The following EIF4G3 variants were observed in gnomAD, a reference collection of about 807,000 sequenced individuals.
The protein encoded by EIF4G3 is eIF-4-gamma 3.
A neutral mutation model predicts 186.4 loss-of-function variants in EIF4G3; 34 were observed. The observed-to-expected ratio is 0.18, with a 90% CI of 0.14 to 0.24. The LOEUF (loss-of-function observed/expected upper bound fraction) is 0.24. Among genes scored for constraint, EIF4G3 ranks in the 10% least tolerant of loss-of-function variants. EIF4G3 has a pLI of 1.00. For missense variants in EIF4G3, 1,536 were observed against 1,948.5 expected (o/e 0.79, Z 3.99); for synonymous variants, 673 against 679.5 (o/e 0.99, Z 0.15).
chr1:20,832,627 T>C (rs2065634776), intron 30 of EIF4G3, among the ~76,000 whole-genome samples: 1 of 150,544 alleles, frequency 6.6e-6, no homozygotes, highest in Admixed American at 6.6e-5. Context: ...AGATCCCATT[T>C]GTCAATTTTG....
At position 20,865,198 on chromosome 1, in the gene EIF4G3, C is replaced by T. The variant is rs376291508; in HGVS notation, c.2687G>A (p.Arg896His). The T allele has an allele frequency of 2.5e-6, 4 of 1,614,030 alleles. No homozygotes were observed. The highest frequency in any genetic ancestry group is 2.5e-6 in the Non-Finnish European group (3 of 1,180,026). ...TVNFRKLLLN[R>H]CQKEFEKDKA... ...ATCTTTTTCAAACTCCTTCTGGCAA[C>T]GGTTCAGTAGCAGCTTCCGGAAATT... Residue 896 changes from arginine to histidine, a missense_variant, in exon 21 of 37, where the codon CGT (arginine) becomes CAT (histidine). Coordinates refer to ENST00000602326, the MANE Select transcript of EIF4G3 (RefSeq NM_001391906.1).
chr1:21,119,710 T>C (rs1330866959), intron 2 of EIF4G3, among the ~76,000 whole-genome samples: 1 of 152,144 alleles, frequency 6.6e-6, no homozygotes, highest in Non-Finnish European at 1.5e-5. Flanking sequence ...TATCACTGAA[T>C]TATTGTTAAA....
At chr1:21,016,607 C>T (rs2089146261) in intron 4 of EIF4G3, among the ~76,000 whole-genome samples, 1 of 152,014 alleles carries the variant, frequency 6.6e-6, no homozygotes, top group Middle Eastern at 3.2e-3. Flanking sequence ...TACAGTGAGC[C>T]ATGATCGCGT....
chr1:20,839,154 T>A (rs959204656), intron 30 of EIF4G3, among the ~76,000 whole-genome samples: 6 of 152,118 alleles, frequency 3.9e-5, no homozygotes, highest in African/African-American at 1.4e-4. Flanking sequence ...ATTTTTTGTA[T>A]TTTTAGTAGA....
intron 11 of EIF4G3, among the ~76,000 whole-genome samples, chr1:20,971,643 C>T (rs935125860): frequency 6.6e-6 from 1 of 152,200 alleles, no homozygotes; most frequent in South Asian, 2.1e-4. Context: ...CTATTATTTT[C>T]TTGTTTGTTT....
At chr1:20,895,974 T>C (rs937395429) in intron 16 of EIF4G3, among the ~76,000 whole-genome samples, 1 of 152,106 alleles carries the variant, frequency 6.6e-6, no homozygotes, top group African/African-American at 2.4e-5. Flanking sequence ...GACAGCTCTA[T>C]GCATATTATT....
Position 21,009,230 on chromosome 1 carries a change from A to C in EIF4G3, c.-66-6422T>G, listed in dbSNP as rs140005640. ...GGGTCTCGCTCTGTCACCTACGCTA[A>C]AGTGCAGTGCTACCAACACAGCTCA... On this transcript the variant is annotated intron_variant, in intron 4 of 36. Transcript: ENST00000602326. Among the ~76,000 whole-genome samples, 86 of 152,208 alleles carry C rather than the reference A, an allele frequency of 5.7e-4. 2 individuals carry two copies. The East Asian group carries it at 0.015, about 27-fold the overall frequency.
intron 36 of EIF4G3, among the ~76,000 whole-genome samples, chr1:20,808,845 T>C (rs371701233): frequency 6.6e-6 from 1 of 152,210 alleles, no homozygotes; most frequent in East Asian, 1.9e-4. Context: ...CTGAGAATTA[T>C]AGTTATCATA....
At chr1:21,157,376 G>T (rs531675245) in intron 2 of EIF4G3, among the ~76,000 whole-genome samples, 163 of 149,822 alleles carry the variant, frequency 1.1e-3, no homozygotes, top group African/African-American at 3.9e-3. Flanking sequence ...TTTTTTGTTT[G>T]TTTTTTTTTA....
intron 4 of EIF4G3, among the ~76,000 whole-genome samples, chr1:21,029,473 G>A (rs943497133): frequency 5.9e-5 from 9 of 152,058 alleles, no homozygotes; most frequent in African/African-American, 9.6e-5. Flanking sequence ...GTCGGGGGGG[G>A]GAAGGGAACT....
intron 20 of EIF4G3, among the ~76,000 whole-genome samples, chr1:20,872,824 TTCTCCTGCCTC>T: frequency 6.9e-6 from 1 of 144,354 alleles, no homozygotes; most frequent in Non-Finnish European, 1.5e-5. Context: ...CCTCAAGCAA[TTCTCCTGCCTC>T]AAGCAATTCT....
intron 10 of EIF4G3, among the ~76,000 whole-genome samples, chr1:20,976,764 G>A (rs1033498099): frequency 6.6e-5 from 10 of 152,068 alleles, no homozygotes; most frequent in Non-Finnish European, 1.2e-4. Context: ...ATGGCCAGGC[G>A]CAGTGGCTCA....
At chr1:20,936,797 T>G (rs2154561745) in intron 14 of EIF4G3, among the ~76,000 whole-genome samples, 1 of 152,286 alleles carries the variant, frequency 6.6e-6, no homozygotes, top group East Asian at 1.9e-4. Flanking sequence ...TACACTTCAG[T>G]AAGTCTAAAC....
intron 36 of EIF4G3, among the ~76,000 whole-genome samples, chr1:20,807,940 C>T (rs1184052317): frequency 6.6e-6 from 1 of 150,906 alleles, no homozygotes; most frequent in Non-Finnish European, 1.5e-5. Flanking sequence ...TTTCCTGCCT[C>T]AGCCTCTCAA....
intron 2 of EIF4G3, among the ~76,000 whole-genome samples, chr1:21,118,669 C>T (rs2096871484): frequency 6.6e-6 from 1 of 151,622 alleles, no homozygotes; most frequent in Admixed American, 6.6e-5. Context: ...GCCTGTAATC[C>T]CAGCTACTTG....
At position 20,837,794 on chromosome 1, in the gene EIF4G3, C is replaced by A. The variant is rs952486629; in HGVS notation, c.4061+3062G>T. On this transcript the variant is annotated intron_variant, in intron 30 of 36. Transcript: ENST00000602326. ...GGATTGTGAAATTCTGATCTGCTTG[C>A]AAGAAAGCTCTTGGTGGACACTGAC... is the stretch of plus-strand genomic sequence containing the variant. Among the ~76,000 whole-genome samples the A allele has an allele frequency of 7.2e-5, 11 of 152,198 alleles. No homozygotes were observed. In the East Asian group the frequency reaches 2.1e-3, roughly 29 times the overall value.
intron 2 of EIF4G3, among the ~76,000 whole-genome samples, chr1:21,104,817 T>G (rs1477528879): frequency 1.3e-5 from 2 of 151,994 alleles, no homozygotes; most frequent in Admixed American, 6.6e-5. Context: ...CCAACCTAAA[T>G]GCCCTTCAAT....
intron 16 of EIF4G3, 99 bp from the exon 17 acceptor site, chr1:20,895,600 C>A: frequency 7.7e-7 from 1 of 1,296,884 alleles, no homozygotes; most frequent in Non-Finnish European, 1.1e-6. Context: ...GCATATACAA[C>A]TGCATATACA....
intron 4 of EIF4G3, among the ~76,000 whole-genome samples, chr1:21,010,837 C>T (rs978575630): frequency 7.9e-5 from 12 of 152,168 alleles, no homozygotes; most frequent in Non-Finnish European, 1.6e-4. Context: ...TGACAGAGAC[C>T]TATCACTGAA....
Sources: gnomAD v4.1 joint callset for allele counts (sites outside exome capture counted in the v4.1 genomes callset) on GRCh38, gnomAD v4.1.1 for gene constraint, MANE v1.5 for transcripts, NCBI Gene and HGNC (gene_info 2026-07-23, HGNC 2026-07-21) for gene names.